The following TBX15 variants were observed in gnomAD, a reference collection of about 807,000 sequenced individuals.
TBX15 encodes T-box transcription factor TBX15.
Under a neutral mutation model 53.9 loss-of-function variants are expected in TBX15, and 18 were observed. The observed-to-expected ratio is 0.33, with a 90% CI of 0.23 to 0.49. TBX15 has a LOEUF of 0.49. TBX15 is among the 20% of genes least tolerant of loss of function. The pLI is 0.98. For synonymous variants in TBX15, 295 were observed against 278.0 expected (o/e 1.06, Z -0.61); for missense variants, 692 against 749.5 (o/e 0.92, Z 0.90).
At chr1:118,897,860 G>A (rs559942597) in intron 7 of TBX15, among the ~76,000 whole-genome samples, 2 of 152,214 alleles carry the variant, frequency 1.3e-5, no homozygotes, top group South Asian at 2.1e-4. Context: ...TCACCAGATC[G>A]CTGTGAAAAT....
intron 1 of TBX15, among the ~76,000 whole-genome samples, chr1:118,969,516 G>A (rs1180856744): frequency 3.9e-5 from 6 of 152,114 alleles, no homozygotes; most frequent in African/African-American, 1.4e-4. Context: ...ATCAAATTGG[G>A]TCCTTCATGA....
At chr1:118,903,439 C>A (rs531957744) in intron 6 of TBX15, among the ~76,000 whole-genome samples, 1 of 152,292 alleles carries the variant, frequency 6.6e-6, no homozygotes, top group East Asian at 1.9e-4. Context: ...TAATAAATTT[C>A]ATGACCCTAC....
At chr1:118,958,217 T>A (rs1323931380) in intron 1 of TBX15, among the ~76,000 whole-genome samples, 2 of 152,204 alleles carry the variant, frequency 1.3e-5, no homozygotes, top group Non-Finnish European at 2.9e-5. Flanking sequence ...GTGGGATTAG[T>A]GCCCCTATAA....
At chr1:118,971,175 T>A (rs1657225683) in intron 1 of TBX15, among the ~76,000 whole-genome samples, 2 of 152,206 alleles carry the variant, frequency 1.3e-5, no homozygotes, top group Non-Finnish European at 2.9e-5. Context: ...TAACACCTCA[T>A]CAGGCAAAAG....
At chr1:118,890,948 G>C (rs1163252613) in intron 7 of TBX15, 25 of 1,303,948 alleles carry the variant, frequency 1.9e-5, no homozygotes, top group Non-Finnish European at 2.4e-5. Flanking sequence ...GTGTATCCTT[G>C]AGAAGTCTTC....
intron 1 of TBX15, among the ~76,000 whole-genome samples, chr1:118,962,400 C>G (rs1310520447): frequency 6.6e-6 from 1 of 152,014 alleles, no homozygotes; most frequent in Non-Finnish European, 1.5e-5. Flanking sequence ...TAACTATCAT[C>G]ACTTCTCCCA....
At chr1:118,926,656 G>A (rs762427114) in intron 2 of TBX15, 45 bp from the exon 3 acceptor site, 1 of 1,512,478 alleles carries the variant, frequency 6.6e-7, no homozygotes, top group Non-Finnish European at 9.2e-7. Flanking sequence ...CAGGGTGGGA[G>A]AAGTAGCAGG....
At position 118,987,252 on chromosome 1, in the gene TBX15, C is replaced by T. The variant is rs377586822; in HGVS notation, c.205+339G>A. 4.7e-4 allele frequency among the ~76,000 whole-genome samples: 71 copies of T among 152,348 alleles called. 1 individual carries two copies. The South Asian group carries it at 0.013, about 28-fold the overall frequency. On this transcript the variant is annotated intron_variant, in intron 1 of 7. Transcript: ENST00000369429. Reference sequence around the variant, plus strand: ...GCGAGTCCTAGATCTCGGCTCCCGCCGTTGCCTTCGGCCCGCGCCCCTCCC... The same window carrying T: ...GCGAGTCCTAGATCTCGGCTCCCGCTGTTGCCTTCGGCCCGCGCCCCTCCC...
intron 1 of TBX15, among the ~76,000 whole-genome samples, chr1:118,942,178 G>C (rs2101637370): frequency 1.3e-5 from 2 of 152,264 alleles, no homozygotes; most frequent in East Asian, 3.9e-4. Context: ...GCAGAAATGG[G>C]GAAGAAAGAG....
intron 1 of TBX15, among the ~76,000 whole-genome samples, chr1:118,980,977 C>G (rs1557909174): frequency 6.6e-6 from 1 of 152,114 alleles, no homozygotes; most frequent in East Asian, 1.9e-4. Context: ...GGATTACAGG[C>G]CCGCACCACC....
intron 6 of TBX15, among the ~76,000 whole-genome samples, chr1:118,899,989 C>A (rs750415435): frequency 6.6e-6 from 1 of 152,154 alleles, no homozygotes; most frequent in African/African-American, 2.4e-5. Flanking sequence ...TGATATACAT[C>A]ATTTTCACAT....
intron 6 of TBX15, among the ~76,000 whole-genome samples, chr1:118,902,588 C>G (rs1539698): frequency 0.57 from 86,040 of 152,044 alleles, 25,194 homozygotes; most frequent in East Asian, 0.93. Flanking sequence ...AGACAGAAGA[C>G]ATCCTCCAGT....
chr1:118,922,563 A>T (rs1655458431), intron 5 of TBX15, among the ~76,000 whole-genome samples: 3 of 152,320 alleles, frequency 2.0e-5, no homozygotes, highest in Admixed American at 2.0e-4. Flanking sequence ...ACACAATGTC[A>T]GTGAAAAGAT....
At chr1:118,966,487 A>C (rs552372415) in intron 1 of TBX15, among the ~76,000 whole-genome samples, 2 of 152,364 alleles carry the variant, frequency 1.3e-5, no homozygotes, top group South Asian at 2.1e-4. Flanking sequence ...GAACTAGAAG[A>C]AAACTCATTG....
chr1:118,975,582 A>T (rs1657396702), intron 1 of TBX15, among the ~76,000 whole-genome samples: 1 of 152,218 alleles, frequency 6.6e-6, no homozygotes, highest in Admixed American at 6.5e-5. Flanking sequence ...GGTCACTTAA[A>T]GTATACTGGA....
chr1:118,955,004 A>C (rs540247902), intron 1 of TBX15, among the ~76,000 whole-genome samples: 1 of 152,292 alleles, frequency 6.6e-6, no homozygotes, highest in East Asian at 1.9e-4. Context: ...AGACCCACAA[A>C]GGGAGTGTGA....
intron 1 of TBX15, among the ~76,000 whole-genome samples, chr1:118,946,028 A>T (rs1481221992): frequency 6.6e-6 from 1 of 152,178 alleles, no homozygotes; most frequent in African/African-American, 2.4e-5. Flanking sequence ...TATACCAAGT[A>T]CTACACAAGT....
intron 1 of TBX15, among the ~76,000 whole-genome samples, chr1:118,959,024 C>CAGAGAGAGAG (rs10563585): frequency 0.014 from 2,037 of 144,476 alleles, 37 homozygotes; most frequent in African/African-American, 0.038. Context: ...GGTATAATAT[C>CAGAGAGAGAG]AGAGAGAGAG....
At chr1:118,960,006 C>T (rs1310240426) in intron 1 of TBX15, among the ~76,000 whole-genome samples, 1 of 147,680 alleles carries the variant, frequency 6.8e-6, no homozygotes, top group Non-Finnish European at 1.5e-5. Flanking sequence ...TAGAAATTGT[C>T]AAGACAGCTG....
Sources: allele counts gnomAD v4.1 joint callset (sites outside exome capture counted in the v4.1 genomes callset), GRCh38; gene constraint gnomAD v4.1.1; transcripts MANE v1.5; gene names NCBI Gene and HGNC (gene_info 2026-07-23, HGNC 2026-07-21).